The following GPR158 variants were observed in gnomAD, a reference collection of about 807,000 sequenced individuals.
GPR158 encodes the protein metabotropic glycine receptor.
In GPR158, 30 loss-of-function variants were observed where a neutral mutation model predicts 78.2. The ratio of observed to expected loss-of-function variants is 0.38; its 90% CI spans 0.29 to 0.52. GPR158 has a LOEUF of 0.52. GPR158 is among the 20% of genes least tolerant of loss of function. GPR158 has a pLI of 0.83. For missense variants in GPR158, 1,463 were observed against 1,523.5 expected, an observed-to-expected ratio of 0.96 and a Z score of 0.66; for synonymous variants, 581 against 591.1, an observed-to-expected ratio of 0.98 and a Z score of 0.25.
intron 4 of GPR158, among the ~76,000 whole-genome samples, chr10:25,459,456 T>C (rs1206246743): frequency 6.6e-6 from 1 of 152,156 alleles, no homozygotes; most frequent in African/African-American, 2.4e-5. Flanking sequence ...TCTTTTGTAA[T>C]AGAAGGTCTA....
intron 2 of GPR158, among the ~76,000 whole-genome samples, chr10:25,350,850 C>T (rs1855449951): frequency 6.6e-6 from 1 of 152,126 alleles, no homozygotes. Context: ...TATACATATG[C>T]TCATCACGGC....
intron 2 of GPR158, among the ~76,000 whole-genome samples, chr10:25,261,275 C>T (rs143215507): frequency 1.3e-5 from 2 of 152,164 alleles, no homozygotes; most frequent in African/African-American, 4.8e-5. Flanking sequence ...CCTGCCTTCT[C>T]ACTTTCCTCA....
chr10:25,563,998 T>G (rs991783255), intron 6 of GPR158, among the ~76,000 whole-genome samples: 1 of 152,078 alleles, frequency 6.6e-6, no homozygotes, highest in Non-Finnish European at 1.5e-5. Flanking sequence ...TATATTATGG[T>G]AAATCCAAAA....
chr10:25,265,240 G>A (rs1405608739), intron 2 of GPR158, among the ~76,000 whole-genome samples: 1 of 152,120 alleles, frequency 6.6e-6, no homozygotes, highest in Non-Finnish European at 1.5e-5. Context: ...ACAGACAACG[G>A]GCTGTGAACA....
At chr10:25,455,396 T>A (rs576138180) in intron 4 of GPR158, among the ~76,000 whole-genome samples, 11 of 152,048 alleles carry the variant, frequency 7.2e-5, no homozygotes, top group Non-Finnish European at 1.3e-4. Flanking sequence ...TTATAAAACT[T>A]TTTTTTCTAA....
chr10:25,276,396 T>C (rs946774616), intron 2 of GPR158, among the ~76,000 whole-genome samples: 17 of 152,214 alleles, frequency 1.1e-4, no homozygotes, highest in Non-Finnish European at 1.8e-4. Context: ...TTAATGGTTG[T>C]TGGATATGCT....
intron 5 of GPR158, among the ~76,000 whole-genome samples, chr10:25,546,378 A>G (rs1836662180): frequency 6.6e-6 from 1 of 152,114 alleles, no homozygotes; most frequent in South Asian, 2.1e-4. Context: ...TCTTCTGCAG[A>G]CTTATGCATC....
chr10:25,547,658 C>A (rs950342432), intron 5 of GPR158, among the ~76,000 whole-genome samples: 3 of 152,098 alleles, frequency 2.0e-5, no homozygotes, highest in Admixed American at 1.3e-4. Context: ...CACAGCAGAG[C>A]CAGTTAGGAG....
Position 25,466,636 on chromosome 10 carries a change from A to AT in GPR158, c.1336-11dup. 2 of 1,578,820 alleles carry AT rather than the reference A, an allele frequency of 1.3e-6. No homozygotes were observed. The highest frequency in any genetic ancestry group is 1.4e-5 in the African/African-American group (1 of 73,498). The stretch of plus-strand genomic sequence containing the variant: ...AATGTAAGTTAGTAATGACGTTTTT[A>AT]TTTTGTTTTTTCAGAGCATCCGGGC... On this transcript the variant is annotated splice_polypyrimidine_tract_variant and intron_variant, in intron 4 of 10. Coordinates refer to ENST00000376351, the MANE Select transcript of GPR158 (RefSeq NM_020752.3).
chr10:25,253,625 A>G (rs1853846702), intron 2 of GPR158, among the ~76,000 whole-genome samples: 1 of 152,186 alleles, frequency 6.6e-6, no homozygotes, highest in Non-Finnish European at 1.5e-5. Flanking sequence ...GATATTGGTA[A>G]GATGTAAGAA....
rs764018775 is a variant in GPR158, at chr10:25,175,651, G to A, written c.231G>A (p.Glu77=). 4.3e-6 allele frequency: 7 copies of A among 1,611,304 alleles called. No homozygotes were observed. The highest frequency in any genetic ancestry group is 5.1e-6 in the Non-Finnish European group (6 of 1,179,938). Residue 77 remains glutamate (E), a synonymous_variant, in exon 1 of 11, where the codon GAG becomes GAA. Transcript: ENST00000376351. This position sits in a 1 kb window ranked among gnomAD's most constrained non-coding sequence, Gnocchi z 6.4. ...TCTTGGCGCAGAAACTCGCCGAGGA[G>A]GTGCCCATGGACGTGGCCTCTTACC... ...GTILAQKLAE[E]VPMDVASYLY...
intron 5 of GPR158, among the ~76,000 whole-genome samples, chr10:25,541,376 T>C (rs1366379929): frequency 1.3e-5 from 2 of 152,102 alleles, no homozygotes; most frequent in Non-Finnish European, 2.9e-5. Flanking sequence ...TTTTTTTTCA[T>C]TTTCTTTCCA....
Position 25,196,075 on chromosome 10 carries a change from G to T in GPR158, c.902+19753G>T, listed in dbSNP as rs7095922. ...TATTGATTACACTTGCCATTTAGTG[G>T]GCCCTTTTAGACTTTTTCACTCAGA... On this transcript the variant is annotated intron_variant, in intron 1 of 10. Coordinates refer to ENST00000376351, the MANE Select transcript of GPR158 (RefSeq NM_020752.3). 5.4e-3 allele frequency among the ~76,000 whole-genome samples: 823 copies of T among 151,156 alleles called. 7 individuals carry two copies. Among genetic ancestry groups the T allele is most frequent in the Non-Finnish European group, 8.1e-3 (547 of 67,782 alleles).
chr10:25,556,478 T>C (rs150880554), intron 6 of GPR158, among the ~76,000 whole-genome samples: 90 of 152,336 alleles, frequency 5.9e-4, no homozygotes, highest in African/African-American at 1.9e-3. Flanking sequence ...GGTAATGATA[T>C]GGATTTCAGG....
intron 5 of GPR158, among the ~76,000 whole-genome samples, chr10:25,543,835 A>G (rs532718653): frequency 6.6e-6 from 1 of 152,310 alleles, no homozygotes; most frequent in East Asian, 1.9e-4. Context: ...ATTCCATGGT[A>G]TATGAATTGT....
intron 2 of GPR158, among the ~76,000 whole-genome samples, chr10:25,230,404 A>C (rs1202474252): frequency 3.9e-5 from 6 of 152,214 alleles, no homozygotes; most frequent in Non-Finnish European, 5.9e-5. Context: ...TGTATTCAGA[A>C]CTTAGCAGAA....
intron 2 of GPR158, among the ~76,000 whole-genome samples, chr10:25,266,883 C>T (rs180898519): frequency 1.3e-5 from 2 of 152,220 alleles, no homozygotes; most frequent in African/African-American, 2.4e-5. Context: ...AATCTGTTAT[C>T]TGCTTCAAAG....
chr10:25,253,239 G>C (rs559312294), intron 2 of GPR158, among the ~76,000 whole-genome samples: 23 of 152,200 alleles, frequency 1.5e-4, no homozygotes, highest in South Asian at 8.3e-4. Context: ...GATGAACCCG[G>C]TACCTCAGAT....
chr10:25,481,998 G>A (rs1835668773), intron 5 of GPR158, among the ~76,000 whole-genome samples: 1 of 152,136 alleles, frequency 6.6e-6, no homozygotes, highest in African/African-American at 2.4e-5. Flanking sequence ...TTTTCAGGCT[G>A]TGTTATAATC....
Sources: allele counts gnomAD v4.1 joint callset (sites outside exome capture counted in the v4.1 genomes callset), GRCh38; gene constraint gnomAD v4.1.1; non-coding constraint Gnocchi (gnomAD v3.1); transcripts MANE v1.5; gene names NCBI Gene and HGNC (gene_info 2026-07-23, HGNC 2026-07-21).